POU6F2: variants seen among roughly 807,000 people sequenced by gnomAD.
POU6F2 encodes the protein POU class 6 homeobox 2.
A neutral mutation model predicts 71.3 loss-of-function variants in POU6F2; 31 were observed. The ratio of observed to expected loss-of-function variants is 0.43; its 90% CI spans 0.33 to 0.59. The LOEUF is 0.59. Among genes scored for constraint, POU6F2 ranks in the 20% least tolerant of loss-of-function variants. The pLI, the probability that POU6F2 is intolerant of heterozygous loss-of-function variation, is 0.04. For missense variants in POU6F2, 783 were observed against 856.8 expected (o/e 0.91, Z 1.07); for synonymous variants, 347 against 355.7 (o/e 0.98, Z 0.27).
intron 2 of POU6F2, among the ~76,000 whole-genome samples, chr7:39,196,053 C>T (rs1584595433): frequency 6.6e-6 from 1 of 152,116 alleles, no homozygotes; most frequent in East Asian, 1.9e-4. Context: ...GGTAGGTAAA[C>T]TGAAAACAAT....
intron 4 of POU6F2, among the ~76,000 whole-genome samples, chr7:39,272,871 T>C (rs1338675114): frequency 6.6e-6 from 1 of 152,210 alleles, no homozygotes; most frequent in Non-Finnish European, 1.5e-5. Context: ...AAATAGTCAC[T>C]CAACTCTAGT....
At chr7:38,999,869 G>C (rs1450450924) in intron 1 of POU6F2, among the ~76,000 whole-genome samples, 1 of 152,126 alleles carries the variant, frequency 6.6e-6, no homozygotes. Flanking sequence ...AATCAGTCTG[G>C]TTATGAGATG....
chr7:39,419,072 C>CACACATATATACGTATATGTATATAT (rs1562544449), intron 6 of POU6F2, among the ~76,000 whole-genome samples: 7 of 134,386 alleles, frequency 5.2e-5, no homozygotes, highest in Non-Finnish European at 1.1e-4. Flanking sequence ...CACATATATA[C>CACACATATATACGTATATGTATATAT]ACACATATAT....
chr7:39,220,936 T>C (rs999113487), intron 4 of POU6F2, among the ~76,000 whole-genome samples: 2 of 152,164 alleles, frequency 1.3e-5, no homozygotes, highest in Middle Eastern at 3.4e-3. Context: ...ATGCTGTAAG[T>C]GTAAAATTCA....
chr7:39,025,805 A>C (rs1789787232), intron 1 of POU6F2, among the ~76,000 whole-genome samples: 1 of 151,546 alleles, frequency 6.6e-6, no homozygotes, highest in South Asian at 2.1e-4. Context: ...CATCAGAGTG[A>C]ACAGGCAACC....
chr7:39,019,727 C>G (rs899430154), intron 1 of POU6F2, among the ~76,000 whole-genome samples: 3 of 150,944 alleles, frequency 2.0e-5, no homozygotes, highest in Non-Finnish European at 4.4e-5. Flanking sequence ...CAAATGTCAA[C>G]AATTACATTT....
At chr7:39,315,256 A>G (rs910867877) in intron 4 of POU6F2, among the ~76,000 whole-genome samples, 1 of 152,160 alleles carries the variant, frequency 6.6e-6, no homozygotes, top group Non-Finnish European at 1.5e-5. Context: ...TAACATTTAC[A>G]GTGTTAATTT....
At chr7:39,396,552 T>TC (rs1787178300) in intron 5 of POU6F2, among the ~76,000 whole-genome samples, 2 of 152,188 alleles carry the variant, frequency 1.3e-5, no homozygotes, top group South Asian at 4.1e-4. Flanking sequence ...GTCCCCTCTG[T>TC]CCACCTGCAA....
chr7:39,165,593 A>G (rs1793097406), intron 2 of POU6F2, among the ~76,000 whole-genome samples: 1 of 152,206 alleles, frequency 6.6e-6, no homozygotes, highest in Non-Finnish European at 1.5e-5. Flanking sequence ...GGATAGTCAT[A>G]TATGTTTCGA....
chr7:39,270,483 G>C (rs1784321681), intron 4 of POU6F2, among the ~76,000 whole-genome samples: 1 of 152,192 alleles, frequency 6.6e-6, no homozygotes, highest in African/African-American at 2.4e-5. Flanking sequence ...TCAAGGAAAT[G>C]GATTTAGTAA....
intron 2 of POU6F2, among the ~76,000 whole-genome samples, chr7:39,087,739 A>G (rs1380244123): frequency 6.6e-6 from 1 of 152,194 alleles, no homozygotes; most frequent in Non-Finnish European, 1.5e-5. Flanking sequence ...CTTTGCATGC[A>G]TTTAAAATAA....
intron 1 of POU6F2, among the ~76,000 whole-genome samples, chr7:39,025,102 C>G (rs1165900206): frequency 6.6e-6 from 1 of 152,044 alleles, no homozygotes; most frequent in African/African-American, 2.4e-5. Context: ...CCTTGTACCT[C>G]TGGTAGAATT....
At chr7:39,132,062 A>C (rs538994636) in intron 2 of POU6F2, among the ~76,000 whole-genome samples, 1 of 152,314 alleles carries the variant, frequency 6.6e-6, no homozygotes, top group Admixed American at 6.5e-5. Context: ...ATTATTGACT[A>C]TAGTCACCCT....
At chr7:39,401,869 G>A (rs903120582) in intron 5 of POU6F2, among the ~76,000 whole-genome samples, 1 of 152,180 alleles carries the variant, frequency 6.6e-6, no homozygotes, top group Non-Finnish European at 1.5e-5. Flanking sequence ...GAGAATGATA[G>A]AACTATAGAT....
intron 6 of POU6F2, among the ~76,000 whole-genome samples, chr7:39,410,385 A>G (rs1477422577): frequency 6.6e-6 from 1 of 152,156 alleles, no homozygotes; most frequent in Non-Finnish European, 1.5e-5. Flanking sequence ...ATAGTACCCA[A>G]CTCCACTCTG....
intron 4 of POU6F2, among the ~76,000 whole-genome samples, chr7:39,284,866 A>G (rs1784623927): frequency 6.6e-6 from 1 of 152,146 alleles, no homozygotes; most frequent in South Asian, 2.1e-4. Context: ...AAGATGCCCA[A>G]ATATCTGTAG....
chr7:39,182,517 T>C (rs924624454), intron 2 of POU6F2, among the ~76,000 whole-genome samples: 6 of 152,152 alleles, frequency 3.9e-5, no homozygotes, highest in Admixed American at 2.0e-4. Flanking sequence ...TGTTAACATA[T>C]TAACAAATCT....
chr7:39,149,482 A>G lies in POU6F2; in HGVS notation c.278-54753A>G, dbSNP rs151095472. Among the ~76,000 whole-genome samples the G allele has an allele frequency of 1.9e-3, 296 of 152,360 alleles. 1 individual carries two copies. Among genetic ancestry groups the G allele is most frequent in the African/African-American group, 7.0e-3 (289 of 41,582 alleles). On this transcript the variant is annotated intron_variant, in intron 2 of 9. Transcript: ENST00000518318. ...TGAAATGGCTGCTGTAGTGAAGCAG[A>G]CTAACATATCTGTCATCTCACATAA...
At chr7:39,300,575 T>C (rs1451079157) in intron 4 of POU6F2, among the ~76,000 whole-genome samples, 1 of 152,208 alleles carries the variant, frequency 6.6e-6, no homozygotes, top group Non-Finnish European at 1.5e-5. Flanking sequence ...CTGACAGTTC[T>C]GGAGACGCAA....
Sources: allele counts gnomAD v4.1 joint callset (sites outside exome capture counted in the v4.1 genomes callset), GRCh38; gene constraint gnomAD v4.1.1; transcripts MANE v1.5; gene names NCBI Gene and HGNC (gene_info 2026-07-23, HGNC 2026-07-21).